Variants in LIN52 observed in about 807,000 individuals in gnomAD.
LIN52 encodes the protein protein lin-52 homolog.
A neutral mutation model predicts 18.5 loss-of-function variants in LIN52; 4 were observed. That is an observed-to-expected ratio of 0.22 (90% CI 0.11 to 0.49). The LOEUF (loss-of-function observed/expected upper bound fraction) is 0.49. Ranked by LOEUF, LIN52 falls within the 20% of genes least tolerant of loss-of-function variation. LIN52 has a pLI of 0.97. For synonymous variants in LIN52, 34 were observed against 45.5 expected (o/e 0.75, Z 1.02); for missense variants, 102 against 139.5 (o/e 0.73, Z 1.35).
At chr14:74,098,363 AC>A (rs371078800) in intron 4 of LIN52, among the ~76,000 whole-genome samples, 15 of 152,142 alleles carry the variant, frequency 9.9e-5, no homozygotes, top group Non-Finnish European at 2.2e-4. Flanking sequence ...TACTAAAAAT[AC>A]AAAAATCAAC....
intron 5 of LIN52, among the ~76,000 whole-genome samples, chr14:74,153,885 T>G (rs2061187338): frequency 6.6e-6 from 1 of 152,232 alleles, no homozygotes. Context: ...TGTAAAAACA[T>G]AAAAATTATT....
chr14:74,095,802 CT>C, intron 2 of LIN52, 145 bp from the exon 3 acceptor site: 1 of 496,624 alleles, frequency 2.0e-6, no homozygotes. Context: ...TCTTTGAGGA[CT>C]GAAACAGTGT....
chr14:74,098,859 T>C (rs1349834477), intron 4 of LIN52, among the ~76,000 whole-genome samples: 1 of 152,216 alleles, frequency 6.6e-6, no homozygotes, highest in Non-Finnish European at 1.5e-5. Flanking sequence ...AAACTCTGCT[T>C]TTTTAAGTCT....
intron 5 of LIN52, among the ~76,000 whole-genome samples, chr14:74,132,483 C>T (rs2061073739): frequency 6.6e-6 from 1 of 152,106 alleles, no homozygotes; most frequent in Admixed American, 6.6e-5. Flanking sequence ...GAGATCCATG[C>T]ACTACATATG....
intron 5 of LIN52, among the ~76,000 whole-genome samples, chr14:74,161,743 T>C (rs1405951691): frequency 2.6e-5 from 4 of 152,162 alleles, no homozygotes; most frequent in African/African-American, 7.2e-5. Flanking sequence ...TGAAGAATCT[T>C]TGGGGGAGGG....
chr14:74,177,152 C>G (rs1278382929), intron 5 of LIN52, among the ~76,000 whole-genome samples: 2 of 152,118 alleles, frequency 1.3e-5, no homozygotes, highest in Admixed American at 6.6e-5. Flanking sequence ...GCATGTGTCA[C>G]CACACCCGGC....
intron 5 of LIN52, among the ~76,000 whole-genome samples, chr14:74,137,546 T>C (rs748067589): frequency 6.9e-6 from 1 of 145,682 alleles, no homozygotes. Context: ...TTGCCCAGGC[T>C]GGAGTGCAGT....
chr14:74,147,828 A>G (rs1339402990), intron 5 of LIN52, among the ~76,000 whole-genome samples: 1 of 152,184 alleles, frequency 6.6e-6, no homozygotes, highest in Non-Finnish European at 1.5e-5. Context: ...ATGGGGGAGT[A>G]TTGTTTAATG....
intron 1 of LIN52, among the ~76,000 whole-genome samples, chr14:74,088,543 T>C (rs1030514663): frequency 6.6e-6 from 1 of 152,208 alleles, no homozygotes; most frequent in African/African-American, 2.4e-5. Context: ...ACTTTTGTTA[T>C]GGTTGAACAT....
chr14:74,115,240 C>T (rs557799025), intron 5 of LIN52, among the ~76,000 whole-genome samples: 1 of 152,312 alleles, frequency 6.6e-6, no homozygotes, highest in Non-Finnish European at 1.5e-5. Flanking sequence ...GTACTCCCCA[C>T]TCCATATCCT....
chr14:74,125,545 A>C (rs577127808), intron 5 of LIN52, among the ~76,000 whole-genome samples: 1 of 152,004 alleles, frequency 6.6e-6, no homozygotes, highest in South Asian at 2.1e-4. Flanking sequence ...GATTGCAAAA[A>C]TTTTCTCCCA....
At chr14:74,196,539 A>G (rs763044338) in intron 5 of LIN52, among the ~76,000 whole-genome samples, 8 of 152,098 alleles carry the variant, frequency 5.3e-5, no homozygotes, top group Non-Finnish European at 1.0e-4. Context: ...CATTAGTTAC[A>G]TGTTTAAACT....
At chr14:74,119,861 G>A (rs1445662811) in intron 5 of LIN52, among the ~76,000 whole-genome samples, 5 of 146,050 alleles carry the variant, frequency 3.4e-5, no homozygotes, top group African/African-American at 1.0e-4. Context: ...TTTAGATGGA[G>A]TTTCACTCTT....
chr14:74,177,186 T>C (rs2061298055), intron 5 of LIN52, among the ~76,000 whole-genome samples: 1 of 152,012 alleles, frequency 6.6e-6, no homozygotes, highest in Non-Finnish European at 1.5e-5. Flanking sequence ...TTAGTAGGGA[T>C]GGGGTTTCTC....
intron 5 of LIN52, among the ~76,000 whole-genome samples, chr14:74,171,461 T>C (rs979179683): frequency 2.0e-5 from 3 of 151,854 alleles, no homozygotes; most frequent in Non-Finnish European, 4.4e-5. Flanking sequence ...CCAGTCGTAG[T>C]AAGAATATAA....
At chr14:74,187,030 T>C (rs1371886058) in intron 5 of LIN52, among the ~76,000 whole-genome samples, 1 of 152,064 alleles carries the variant, frequency 6.6e-6, no homozygotes, top group Admixed American at 6.6e-5. Flanking sequence ...TGAGCCAAGA[T>C]TGCACCACTG....
intron 5 of LIN52, among the ~76,000 whole-genome samples, chr14:74,125,962 A>C (rs575905255): frequency 6.6e-6 from 1 of 151,506 alleles, no homozygotes; most frequent in Non-Finnish European, 1.5e-5. Flanking sequence ...TGGGTGCAGC[A>C]CACCAACATG....
intron 5 of LIN52, among the ~76,000 whole-genome samples, chr14:74,126,910 G>A (rs2061032811): frequency 6.6e-6 from 1 of 152,216 alleles, no homozygotes; most frequent in Non-Finnish European, 1.5e-5. Flanking sequence ...CTAGTATGGT[G>A]TTTGACACCT....
chr14:74,116,310 AAAAAAT>A (rs748769567), intron 5 of LIN52, among the ~76,000 whole-genome samples: 30 of 89,798 alleles, frequency 3.3e-4, no homozygotes, highest in Non-Finnish European at 6.3e-4. Flanking sequence ...CTCAAAAAAT[AAAAAAT>A]AAAAAAAATA....
Sources: allele counts gnomAD v4.1 joint callset (sites outside exome capture counted in the v4.1 genomes callset), GRCh38; gene constraint gnomAD v4.1.1; transcripts MANE v1.5; gene names NCBI Gene and HGNC (gene_info 2026-07-23, HGNC 2026-07-21).